Variants in CNTNAP4 observed in about 807,000 individuals in gnomAD.
CNTNAP4 encodes the protein contactin-associated protein-like 4.
Under a neutral mutation model 148.4 loss-of-function variants are expected in CNTNAP4, and 98 were observed. The ratio of observed to expected loss-of-function variants is 0.66; its 90% CI spans 0.56 to 0.78. The LOEUF is 0.78. Among genes scored for constraint, CNTNAP4 ranks in the 30% least tolerant of loss-of-function variants. The pLI, the probability that CNTNAP4 is intolerant of heterozygous loss-of-function variation, is 0.00. For missense variants in CNTNAP4, 1,935 were observed against 1,565.6 expected (o/e 1.24, Z -3.98); for synonymous variants, 730 against 565.1 (o/e 1.29, Z -4.14).
chr16:76,438,132 G>T (rs908044584), intron 4 of CNTNAP4, among the ~76,000 whole-genome samples: 1 of 152,068 alleles, frequency 6.6e-6, no homozygotes, highest in African/African-American at 2.4e-5. Flanking sequence ...TGGGGACAGA[G>T]GTCAGATTTC....
intron 1 of CNTNAP4, among the ~76,000 whole-genome samples, chr16:76,281,582 A>G (rs1189165132): frequency 1.3e-5 from 2 of 152,114 alleles, no homozygotes; most frequent in African/African-American, 4.8e-5. Context: ...TGGAATTTAT[A>G]TCATATGTAA....
intron 2 of CNTNAP4, among the ~76,000 whole-genome samples, chr16:76,338,346 C>T (rs570001036): frequency 5.3e-5 from 8 of 152,184 alleles, no homozygotes; most frequent in Non-Finnish European, 2.9e-5. Flanking sequence ...TCCTTTCTTG[C>T]CTTGATGACA....
chr16:76,368,246 C>G (rs1159444726), intron 3 of CNTNAP4, among the ~76,000 whole-genome samples: 1 of 152,174 alleles, frequency 6.6e-6, no homozygotes, highest in East Asian at 1.9e-4. Context: ...GAGATTAACT[C>G]TATATTCCCA....
intron 2 of CNTNAP4, among the ~76,000 whole-genome samples, chr16:76,335,768 C>A (rs1963968046): frequency 2.6e-5 from 4 of 152,158 alleles, no homozygotes; most frequent in Admixed American, 2.6e-4. Context: ...CCCCAGAGGG[C>A]ATGTGAGGAG....
At chr16:76,369,513 G>C (rs1291228170) in intron 3 of CNTNAP4, among the ~76,000 whole-genome samples, 2 of 152,178 alleles carry the variant, frequency 1.3e-5, no homozygotes, top group South Asian at 2.1e-4. Flanking sequence ...CAGAAGCTCA[G>C]ATGTCCAAAG....
intron 3 of CNTNAP4, among the ~76,000 whole-genome samples, chr16:76,390,248 A>G (rs892176093): frequency 6.6e-6 from 1 of 152,232 alleles, no homozygotes; most frequent in Non-Finnish European, 1.5e-5. Flanking sequence ...ACCTTCAGGT[A>G]TATGGTGAAG....
At position 76,476,741 on chromosome 16, in the gene CNTNAP4, C is replaced by T. The variant is rs11865715; in HGVS notation, c.1762+696C>T. ...TTTTACAAGGGCACTAAATCCCACTCATGAGGGCTTCACTCTCATGGCCTA... is the reference window on the plus strand; with the variant it reads ...TTTTACAAGGGCACTAAATCCCACTTATGAGGGCTTCACTCTCATGGCCTA... On this transcript the variant is annotated intron_variant, in intron 11 of 23. Coordinates refer to ENST00000611870, the MANE Select transcript of CNTNAP4 (RefSeq NM_033401.5). Among the ~76,000 whole-genome samples, 583 of 152,196 alleles carry T rather than the reference C, an allele frequency of 3.8e-3. 1 individual carries two copies. Among genetic ancestry groups the T allele is most frequent in the African/African-American group, 0.013 (559 of 41,510 alleles).
At chr16:76,360,309 A>C (rs1156772240) in intron 3 of CNTNAP4, among the ~76,000 whole-genome samples, 2 of 152,124 alleles carry the variant, frequency 1.3e-5, no homozygotes, top group Non-Finnish European at 2.9e-5. Flanking sequence ...TGAGGTGTCA[A>C]CTCTGTAAGC....
At chr16:76,439,159 G>A (rs563063262) in intron 4 of CNTNAP4, among the ~76,000 whole-genome samples, 7 of 152,062 alleles carry the variant, frequency 4.6e-5, no homozygotes, top group South Asian at 2.1e-4. Flanking sequence ...AGCTCCCACC[G>A]TAGCACTTGA....
intron 1 of CNTNAP4, among the ~76,000 whole-genome samples, chr16:76,284,339 A>G (rs1379190426): frequency 2.6e-5 from 4 of 151,960 alleles, no homozygotes; most frequent in African/African-American, 9.7e-5. Flanking sequence ...GATTTTCAAG[A>G]ACAGGTCTTG....
intron 15 of CNTNAP4, among the ~76,000 whole-genome samples, chr16:76,520,871 C>T (rs765760604): frequency 6.6e-6 from 1 of 151,978 alleles, no homozygotes; most frequent in Admixed American, 6.6e-5. Flanking sequence ...ATATTTGTTC[C>T]GTATAAAATA....
At chr16:76,492,253 T>C (rs1372031595) in intron 13 of CNTNAP4, among the ~76,000 whole-genome samples, 1 of 152,190 alleles carries the variant, frequency 6.6e-6, no homozygotes, top group African/African-American at 2.4e-5. Context: ...TCGATTTTGG[T>C]ATTCTCACCA....
chr16:76,471,026 C>G (rs1223044873), intron 10 of CNTNAP4, among the ~76,000 whole-genome samples: 1 of 142,202 alleles, frequency 7.0e-6, no homozygotes, highest in Non-Finnish European at 1.6e-5. Flanking sequence ...TTTTACACTT[C>G]TACACTCATA....
At chr16:76,473,760 T>A (rs1439953175) in intron 10 of CNTNAP4, among the ~76,000 whole-genome samples, 1 of 151,756 alleles carries the variant, frequency 6.6e-6, no homozygotes, top group East Asian at 1.9e-4. Flanking sequence ...GGCAACAGAG[T>A]GAGACTCCAT....
Position 76,538,143 on chromosome 16 carries a change from C to T in CNTNAP4, c.3023C>T (p.Ser1008Leu), listed in dbSNP as rs1210707564. Reference protein sequence around the residue: ...NEISAYFGSGSSVIYNFQENY... With the variant: ...NEISAYFGSGLSVIYNFQENY... ...ATTTCTGCATATTTTGGATCTGGCT[C>T]ATCCGTGATATACAATTTTCAAGAA... Residue 1008 changes from serine to leucine, a missense_variant, in exon 19 of 24, where the codon TCA becomes TTA. Coordinates refer to ENST00000611870, the MANE Select transcript of CNTNAP4 (RefSeq NM_033401.5). 1.3e-6 allele frequency: 2 copies of T among 1,554,208 alleles called. No homozygotes were observed. Among genetic ancestry groups the T allele is most frequent in the Non-Finnish European group, 8.7e-7 (1 of 1,151,360 alleles).
intron 2 of CNTNAP4, among the ~76,000 whole-genome samples, chr16:76,317,702 G>C (rs1401238613): frequency 6.7e-6 from 1 of 150,214 alleles, no homozygotes; most frequent in Non-Finnish European, 1.5e-5. Flanking sequence ...ATGACAAATA[G>C]GTAAGAGTGT....
rs779406324 is a variant in CNTNAP4, at chr16:76,448,871, C to G, written c.847C>G (p.Gln283Glu). 55 of 1,613,660 alleles carry G rather than the reference C, an allele frequency of 3.4e-5. 1 individual carries two copies. In the South Asian group the frequency reaches 4.9e-4, roughly 15 times the overall value. ...HSVLIQRLGK[Q>E]VNFTVDEHRH... ...AGTGCTCATCCAGCGTTTGGGCAAA[C>G]AAGTCAACTTCACAGTGGACGAACA... Residue 283 changes from glutamine to glutamate, a missense_variant, in exon 6 of 24, where the codon CAA becomes GAA. By Grantham distance (29) the Gln-to-Glu change is conservative. Coordinates refer to ENST00000611870, the MANE Select transcript of CNTNAP4 (RefSeq NM_033401.5).
At position 76,537,239 on chromosome 16, in the gene CNTNAP4, C is replaced by T. The variant is rs147188242; in HGVS notation, c.2996-877C>T. Among the ~76,000 whole-genome samples the T allele has an allele frequency of 2.1e-4, 32 of 151,986 alleles. No homozygotes were observed. The East Asian group carries it at 2.3e-3, about 11-fold the overall frequency. On this transcript the variant is annotated intron_variant, in intron 18 of 23. Coordinates refer to ENST00000611870, the MANE Select transcript of CNTNAP4 (RefSeq NM_033401.5). ...CACATATTATATTGAATATAAAATG[C>T]GTGTTATAGATAATAAAATAATGAA...
chr16:76,418,572 G>A (rs751255687), intron 3 of CNTNAP4, among the ~76,000 whole-genome samples: 2 of 151,302 alleles, frequency 1.3e-5, no homozygotes, highest in Admixed American at 6.6e-5. Flanking sequence ...TTCATCTCTC[G>A]ATTACATTAC....
Sources: gnomAD v4.1 joint callset for allele counts (sites outside exome capture counted in the v4.1 genomes callset) on GRCh38, gnomAD v4.1.1 for gene constraint, MANE v1.5 for transcripts, NCBI Gene and HGNC (gene_info 2026-07-23, HGNC 2026-07-21) for gene names.